The following HS3ST4 variants were observed in gnomAD, a reference collection of about 807,000 sequenced individuals.
The protein encoded by HS3ST4 is heparan sulfate-glucosamine 3-sulfotransferase 4, also known as heparan sulfate glucosamine 3-O-sulfotransferase 4.
In HS3ST4, 17 loss-of-function variants were observed where a neutral mutation model predicts 29.2. The ratio of observed to expected loss-of-function variants is 0.58; its 90% CI spans 0.40 to 0.87. HS3ST4 has a LOEUF of 0.87. HS3ST4 is among the 40% of genes least tolerant of loss of function. The probability of loss-of-function intolerance (pLI) is 0.00; values close to 1 mark genes in which losing one functional copy is unlikely to be tolerated. For missense variants in HS3ST4, 627 were observed against 634.5 expected, an observed-to-expected ratio of 0.99 and a Z score of 0.13; for synonymous variants, 314 against 285.7, an observed-to-expected ratio of 1.10 and a Z score of -1.00.
rs539784874 is a variant in HS3ST4 at position 26,129,129 on chromosome 16, A to T, written c.735-6483A>T. The stretch of plus-strand genomic sequence containing the variant: ...TTCATGATGGTATCCATTTGCTTCA[A>T]TTGAGGAGGCCCTGGAGAGAGATGT... On this transcript the variant is annotated intron_variant, in intron 1 of 1. Coordinates refer to ENST00000331351, the MANE Select transcript of HS3ST4 (RefSeq NM_006040.3). Among the ~76,000 whole-genome samples, 7 of 152,266 alleles carry T rather than the reference A, an allele frequency of 4.6e-5. No homozygotes were observed. The South Asian group carries it at 1.0e-3, about 23-fold the overall frequency.
intron 1 of HS3ST4, among the ~76,000 whole-genome samples, chr16:25,895,934 G>A (rs1351985106): frequency 1.3e-5 from 2 of 152,156 alleles, no homozygotes. Context: ...TGGACAAGGG[G>A]ACAGAAGGCT....
intron 1 of HS3ST4, among the ~76,000 whole-genome samples, chr16:26,027,523 CCTAT>C (rs1374309206): frequency 1.3e-5 from 2 of 152,132 alleles, no homozygotes; most frequent in Non-Finnish European, 2.9e-5. Flanking sequence ...GATTTATGCC[CCTAT>C]CTCATTTTGC....
chr16:25,806,451 A>G (rs1966992327), intron 1 of HS3ST4, among the ~76,000 whole-genome samples: 1 of 152,160 alleles, frequency 6.6e-6, no homozygotes, highest in African/African-American at 2.4e-5. Flanking sequence ...CAGACAGTCC[A>G]GGGAGAAGTG....
At chr16:25,724,662 C>T (rs901643401) in intron 1 of HS3ST4, among the ~76,000 whole-genome samples, 3 of 152,012 alleles carry the variant, frequency 2.0e-5, no homozygotes, top group African/African-American at 7.2e-5. Flanking sequence ...GCGCTCGGCC[C>T]CCTCAACTTT....
At chr16:25,965,768 T>G (rs1454487522) in intron 1 of HS3ST4, among the ~76,000 whole-genome samples, 4 of 152,232 alleles carry the variant, frequency 2.6e-5, no homozygotes, top group Non-Finnish European at 5.9e-5. Flanking sequence ...AACAAAATAC[T>G]TACAAATATA....
chr16:25,893,159 G>T (rs565237414), intron 1 of HS3ST4, among the ~76,000 whole-genome samples: 3 of 152,246 alleles, frequency 2.0e-5, no homozygotes, highest in Admixed American at 6.5e-5. Flanking sequence ...GGATGATTTT[G>T]CTGTGTTTGA....
chr16:25,751,399 G>A (rs1460217015), intron 1 of HS3ST4, among the ~76,000 whole-genome samples: 7 of 152,174 alleles, frequency 4.6e-5, no homozygotes, highest in East Asian at 3.8e-4. Flanking sequence ...AGGTGGCAGA[G>A]ACTGCACTTA....
At chr16:25,740,955 C>T (rs1966647756) in intron 1 of HS3ST4, among the ~76,000 whole-genome samples, 1 of 152,104 alleles carries the variant, frequency 6.6e-6, no homozygotes, top group South Asian at 2.1e-4. Flanking sequence ...TGAAATTTCT[C>T]ATTACTGGGC....
chr16:26,085,902 A>AATAATAATG (rs1898781159), intron 1 of HS3ST4, among the ~76,000 whole-genome samples: 1 of 150,236 alleles, frequency 6.7e-6, no homozygotes, highest in African/African-American at 2.4e-5. Flanking sequence ...TAATAATAAT[A>AATAATAATG]ATAATAATAA....
At chr16:25,843,197 C>T (rs7203172) in intron 1 of HS3ST4, among the ~76,000 whole-genome samples, 16,469 of 152,050 alleles carry the variant, frequency 0.11, 1,070 homozygotes, top group East Asian at 0.2. Context: ...TACTTTGGCT[C>T]AGTTGGGTAG....
At chr16:25,777,455 G>A (rs962482103) in intron 1 of HS3ST4, among the ~76,000 whole-genome samples, 10 of 151,722 alleles carry the variant, frequency 6.6e-5, no homozygotes, top group African/African-American at 1.2e-4. Flanking sequence ...GTGCACGTCC[G>A]TGTGTGTGTG....
At chr16:26,042,936 G>T (rs4787806) in intron 1 of HS3ST4, among the ~76,000 whole-genome samples, 2 of 151,836 alleles carry the variant, frequency 1.3e-5, no homozygotes, top group Non-Finnish European at 2.9e-5. Context: ...CCTTTTCCCC[G>T]GTAACCTATA....
In HS3ST4 at chr16:25,873,417, C is replaced by T. The variant is rs151297632; in HGVS notation, c.734+180266C>T. On this transcript the variant is annotated intron_variant, in intron 1 of 1. Transcript: ENST00000331351. Reference sequence around the variant, plus strand: ...ATCCATCCATCCATCCATCCATCCACCCATCCATCCATTAATCCATCCATC... The same window carrying T: ...ATCCATCCATCCATCCATCCATCCATCCATCCATCCATTAATCCATCCATC... Among the ~76,000 whole-genome samples the T allele has an allele frequency of 6.4e-3, 655 of 103,068 alleles. 12 individuals are homozygous for T. The highest frequency in any genetic ancestry group is 0.011 in the African/African-American group (287 of 26,162). The allele number at this position is 103,068 out of a possible 152,430, so 67.6% of individuals were successfully genotyped here.
chr16:25,961,230 A>G (rs1968790220), intron 1 of HS3ST4, among the ~76,000 whole-genome samples: 1 of 152,222 alleles, frequency 6.6e-6, no homozygotes, highest in African/African-American at 2.4e-5. Flanking sequence ...TGCTGAATGC[A>G]TACTTACTCC....
intron 1 of HS3ST4, among the ~76,000 whole-genome samples, chr16:26,099,495 T>C (rs539098295): frequency 2.8e-4 from 43 of 152,336 alleles, no homozygotes; most frequent in African/African-American, 9.4e-4. Flanking sequence ...TTCACTCTTA[T>C]ACTTAAAAGT....
intron 1 of HS3ST4, among the ~76,000 whole-genome samples, chr16:26,012,177 A>G (rs1455767340): frequency 6.6e-6 from 1 of 152,224 alleles, no homozygotes; most frequent in East Asian, 1.9e-4. Context: ...CTGTTTTACC[A>G]TAAAACAAGG....
At chr16:25,721,216 C>A (rs11074709) in intron 1 of HS3ST4, among the ~76,000 whole-genome samples, 113,738 of 151,942 alleles carry the variant, frequency 0.75, 43,403 homozygotes, top group East Asian at 0.87. Flanking sequence ...ACATAAACAT[C>A]CCATGGTGAA....
In HS3ST4 at chr16:26,014,220, C is replaced by G. The variant is rs28505266; in HGVS notation, c.735-121392C>G. ...AACTCTATGAGGACAGGGACCTCAT[C>G]TTGTTCACTGTTGTGTCCCTGGGGC... is the stretch of plus-strand genomic sequence containing the variant. On this transcript the variant is annotated intron_variant, in intron 1 of 1. Coordinates refer to ENST00000331351, the MANE Select transcript of HS3ST4 (RefSeq NM_006040.3). Among the ~76,000 whole-genome samples, 608 of 152,208 alleles carry G rather than the reference C, an allele frequency of 4.0e-3. 4 individuals carry two copies. The highest frequency in any genetic ancestry group is 0.014 in the African/African-American group (586 of 41,544).
chr16:25,952,372 C>A (rs1968690867), intron 1 of HS3ST4, among the ~76,000 whole-genome samples: 1 of 152,182 alleles, frequency 6.6e-6, no homozygotes, highest in African/African-American at 2.4e-5. Flanking sequence ...GGGGGGTATG[C>A]AGTCTCTGAC....
Sources: gnomAD v4.1 joint callset for allele counts (sites outside exome capture counted in the v4.1 genomes callset) on GRCh38, gnomAD v4.1.1 for gene constraint, MANE v1.5 for transcripts, NCBI Gene and HGNC (gene_info 2026-07-23, HGNC 2026-07-21) for gene names.